Variants in UBR1 observed in about 807,000 individuals in gnomAD.
UBR1 encodes ubiquitin protein ligase E3 component n-recognin 1, also known as E3 ubiquitin-protein ligase UBR1.
UBR1 carries 102 observed loss-of-function variants against 242.1 expected under a neutral mutation model. The observed-to-expected ratio is 0.42, with a 90% CI of 0.36 to 0.50. UBR1 has a LOEUF of 0.50. Among genes scored for constraint, UBR1 ranks in the 20% least tolerant of loss-of-function variants. The pLI, the probability that UBR1 is intolerant of heterozygous loss-of-function variation, is 0.01. For synonymous variants in UBR1, 675 were observed against 684.8 expected (o/e 0.99, Z 0.22); for missense variants, 1,772 against 2,101.8 (o/e 0.84, Z 3.07).
chr15:43,099,624 T>C (rs1204995724), intron 1 of UBR1, among the ~76,000 whole-genome samples: 1 of 152,172 alleles, frequency 6.6e-6, no homozygotes, highest in Non-Finnish European at 1.5e-5. Context: ...CAGCTTCTAT[T>C]ACCCCCACTT....
intron 1 of UBR1, 39 bp downstream of exon 1, chr15:43,105,903 C>CCGT (rs1555450873): frequency 6.4e-7 from 1 of 1,570,132 alleles, no homozygotes; most frequent in South Asian, 1.1e-5. Flanking sequence ...AGGGAGGGAC[C>CCGT]GGGGGGAGGA....
rs559014558 is a variant in UBR1, at chr15:43,019,733, C to T, written c.2940+1542G>A. Among the ~76,000 whole-genome samples, 3 of 149,190 alleles carry T rather than the reference C, an allele frequency of 2.0e-5. No homozygotes were observed. The South Asian group carries it at 6.3e-4, about 31-fold the overall frequency. Reference sequence around the variant, plus strand: ...GAGTAGCTGGGATTACAGGCGCCTGCCACCACGCCTGCCACCACGCCCAGC... The same window carrying T: ...GAGTAGCTGGGATTACAGGCGCCTGTCACCACGCCTGCCACCACGCCCAGC... On this transcript the variant is annotated intron_variant, in intron 27 of 46. Coordinates refer to ENST00000290650, the MANE Select transcript of UBR1 (RefSeq NM_174916.3).
At chr15:43,034,269 T>A (rs1335305336) in intron 19 of UBR1, among the ~76,000 whole-genome samples, 2 of 106,438 alleles carry the variant, frequency 1.9e-5, no homozygotes, top group African/African-American at 6.5e-5. Context: ...AATAAATAAA[T>A]AAATAAATAA....
chr15:42,957,571 C>T (rs987758081), intron 44 of UBR1, among the ~76,000 whole-genome samples: 6 of 151,978 alleles, frequency 3.9e-5, no homozygotes, highest in South Asian at 2.1e-4. Flanking sequence ...CAGAGGTCAC[C>T]GCTAAAAAAG....
At chr15:42,970,406 G>T in intron 40 of UBR1, 114 bp downstream of exon 40, 1 of 1,104,432 alleles carries the variant, frequency 9.1e-7, no homozygotes, top group Non-Finnish European at 1.4e-6. Context: ...GAAAACCTAG[G>T]CAATAACTGA....
At chr15:43,058,654 C>T (rs1018906539) in intron 9 of UBR1, among the ~76,000 whole-genome samples, 11 of 152,192 alleles carry the variant, frequency 7.2e-5, no homozygotes, top group Non-Finnish European at 1.5e-4. Flanking sequence ...TCATCTTACA[C>T]TTCAATTTAC....
At chr15:42,991,017 G>A (rs1167449132) in intron 33 of UBR1, among the ~76,000 whole-genome samples, 4 of 150,412 alleles carry the variant, frequency 2.7e-5, no homozygotes, top group Non-Finnish European at 5.9e-5. Context: ...GCTCAAACCT[G>A]TAATCCTAGC....
chr15:43,060,128 A>G lies in UBR1; in HGVS notation c.799-14T>C. Reference sequence around the variant, plus strand: ...AGCCCGACGACCCTAATTATAGACAAAAGTGAGAATTAGGTAGTGAAATGA... The same window carrying G: ...AGCCCGACGACCCTAATTATAGACAGAAGTGAGAATTAGGTAGTGAAATGA... On this transcript the variant is annotated splice_polypyrimidine_tract_variant and intron_variant, in intron 6 of 46. Coordinates refer to ENST00000290650, the MANE Select transcript of UBR1 (RefSeq NM_174916.3). The G allele has an allele frequency of 6.2e-7, 1 of 1,613,120 alleles. No homozygotes were observed. Among genetic ancestry groups the G allele is most frequent in the Non-Finnish European group, 8.5e-7 (1 of 1,179,056 alleles).
At chr15:43,016,282 A>G (rs1250555855) in intron 28 of UBR1, among the ~76,000 whole-genome samples, 2 of 152,188 alleles carry the variant, frequency 1.3e-5, no homozygotes, top group East Asian at 1.9e-4. Context: ...AACTTTAACA[A>G]TATTACTGAG....
chr15:43,013,327 T>A (rs1313916914), intron 29 of UBR1, among the ~76,000 whole-genome samples: 1 of 152,218 alleles, frequency 6.6e-6, no homozygotes, highest in African/African-American at 2.4e-5. Flanking sequence ...TCCTCCCTTT[T>A]ATCACTGTAT....
In UBR1 at chr15:42,942,979, TAA is replaced by T. The variant is rs1038105869; in HGVS notation, c.*2348_*2349del. 2.6e-5 allele frequency: 4 copies of T among 152,644 alleles called. No homozygotes were observed. Among genetic ancestry groups the T allele is most frequent in the African/African-American group, 9.6e-5 (4 of 41,462 alleles). The allele number at this position is 152,644 out of a possible 1,614,324, so 9.5% of individuals were successfully genotyped here. The stretch of plus-strand genomic sequence containing the variant: ...AAGTTTTAAATTTACATTTTTGCAA[TAA>T]AAGTTATCAATATATGCATTATTTG... On this transcript the variant is annotated 3_prime_UTR_variant, in exon 47 of 47. Transcript: ENST00000290650.
intron 1 of UBR1, 100 bp downstream of exon 1, chr15:43,105,842 C>A (rs2034290005): frequency 8.4e-7 from 1 of 1,192,318 alleles, no homozygotes; most frequent in Admixed American, 1.8e-5. Context: ...ATAACTCCCC[C>A]TCCCCAGAGC....
intron 21 of UBR1, among the ~76,000 whole-genome samples, chr15:43,029,088 G>T (rs1428701166): frequency 6.7e-6 from 1 of 149,508 alleles, no homozygotes; most frequent in Non-Finnish European, 1.5e-5. Flanking sequence ...TCGTCTCAAG[G>T]AGAAAAATAA....
At chr15:42,965,749 G>A (rs976676511) in intron 41 of UBR1, among the ~76,000 whole-genome samples, 2 of 152,212 alleles carry the variant, frequency 1.3e-5, no homozygotes, top group African/African-American at 4.8e-5. Flanking sequence ...TTATAGGCGT[G>A]AGCCACCACA....
chr15:43,032,844 T>C (rs2033274997), intron 19 of UBR1, among the ~76,000 whole-genome samples: 2 of 152,318 alleles, frequency 1.3e-5, no homozygotes, highest in South Asian at 2.1e-4. Flanking sequence ...CTAAATACTG[T>C]CATCATTTTC....
At position 43,027,821 on chromosome 15, in the gene UBR1, T is replaced by C; in HGVS notation, c.2387A>G (p.Asn796Ser). 6.2e-7 allele frequency: 1 copy of C among 1,612,516 alleles called. No homozygotes were observed. Residue 796 changes from asparagine (N) to serine (S), a missense_variant, in exon 22 of 47, where the codon AAT becomes AGT. Asn to Ser is a conservative substitution (Grantham distance 46). Coordinates refer to ENST00000290650, the MANE Select transcript of UBR1 (RefSeq NM_174916.3). ...IAKNLPENEN[N>S]ETGLENVINK... ...TATGACATTCTCTAAGCCAGTTTCA[T>C]TATTTTCCTGTTGAAACAATATTTT... is the stretch of plus-strand genomic sequence containing the variant.
intron 5 of UBR1, among the ~76,000 whole-genome samples, 169 bp downstream of exon 5, chr15:43,070,626 C>CA (rs36056797): frequency 6.6e-6 from 1 of 152,112 alleles, no homozygotes; most frequent in African/African-American, 2.4e-5. Flanking sequence ...TGGTGCCTAG[C>CA]AAAGTATCTC....
chr15:43,078,381 T>C (rs2033932607), intron 3 of UBR1, among the ~76,000 whole-genome samples: 2 of 151,928 alleles, frequency 1.3e-5, no homozygotes, highest in African/African-American at 2.4e-5. Context: ...TCCCTTCACA[T>C]CACCACCACT....
chr15:43,042,895 G>A (rs1156547923), intron 15 of UBR1, among the ~76,000 whole-genome samples: 1 of 152,144 alleles, frequency 6.6e-6, no homozygotes. Context: ...ATTGGTCAGA[G>A]AGGAGGTTTA....
Sources: allele counts gnomAD v4.1 joint callset (sites outside exome capture counted in the v4.1 genomes callset), GRCh38; gene constraint gnomAD v4.1.1; transcripts MANE v1.5; gene names NCBI Gene and HGNC (gene_info 2026-07-23, HGNC 2026-07-21).